Variants in BORA observed in about 807,000 individuals in gnomAD.
BORA encodes BORA aurora kinase A activator, also known as protein aurora borealis.
In BORA, 26 loss-of-function variants were observed where a neutral mutation model predicts 55.8. The ratio of observed to expected loss-of-function variants is 0.47; its 90% CI spans 0.34 to 0.65. BORA has a LOEUF of 0.65. Ranked by LOEUF, BORA falls within the 30% of genes least tolerant of loss-of-function variation. BORA has a pLI of 0.01. For synonymous variants in BORA, 201 were observed against 216.9 expected, an observed-to-expected ratio of 0.93 and a Z score of 0.64; for missense variants, 568 against 671.5, an observed-to-expected ratio of 0.85 and a Z score of 1.70.
intron 10 of BORA, among the ~76,000 whole-genome samples, chr13:72,748,709 C>T (rs1210009625): frequency 6.8e-6 from 1 of 147,598 alleles, no homozygotes; most frequent in Non-Finnish European, 1.5e-5. Context: ...GCTGCTTTTA[C>T]TCTCTGCCTT....
intron 10 of BORA, among the ~76,000 whole-genome samples, chr13:72,750,386 GGA>G: frequency 6.6e-6 from 1 of 152,264 alleles, no homozygotes; most frequent in East Asian, 1.9e-4. Context: ...AGATAACTCT[GGA>G]GTTTAGTTGT....
chr13:72,730,214 TC>T (rs2032783018), intron 2 of BORA, among the ~76,000 whole-genome samples: 1 of 152,208 alleles, frequency 6.6e-6, no homozygotes, highest in Non-Finnish European at 1.5e-5. Flanking sequence ...TGCTACACTT[TC>T]ATACAGGTTT....
chr13:72,737,958 C>A lies in BORA; in HGVS notation c.307-4C>A. ...GCCTAATTGTATGACTTTAATTTTC[C>A]TAGTTTTTCACTAAAGATGTCATCG... On this transcript the variant is annotated splice_polypyrimidine_tract_variant and splice_region_variant and intron_variant, in intron 4 of 11. Transcript: ENST00000390667. 1 of 1,567,210 alleles carries A rather than the reference C, an allele frequency of 6.4e-7. No homozygotes were observed. The highest frequency in any genetic ancestry group is 8.7e-7 in the Non-Finnish European group (1 of 1,152,010).
Position 72,727,924 on chromosome 13 carries a change from A to G in BORA, c.-99A>G. On this transcript the variant is annotated 5_prime_UTR_variant, in exon 1 of 12. Transcript: ENST00000390667. ...AAGACAGCGCGGAAGCGGGGAGTTA[A>G]AGAGTCTATGCCTGTCGTGGAAGCT... The G allele has an allele frequency of 6.4e-7, 1 of 1,550,618 alleles. No individual in the cohort carries two copies. The highest frequency in any genetic ancestry group is 8.7e-7 in the Non-Finnish European group (1 of 1,147,008).
Position 72,746,549 on chromosome 13 carries a change from A to G in BORA, c.920A>G (p.Asn307Ser). ...TCTCCTGATGCTTCATCTGGAACAA[A>G]TTCTAATGGGATAACTAATCCGTGT... ...VHSPDASSGT[N>S]SNGITNPCIR... Residue 307 changes from asparagine (N) to serine (S), a missense_variant, in exon 10 of 12, where the codon AAT becomes AGT. Physicochemically the swap from Asn to Ser is conservative, Grantham distance 46. Transcript: ENST00000390667. 1 of 1,613,924 alleles carries G rather than the reference A, an allele frequency of 6.2e-7. No homozygotes were observed. Among genetic ancestry groups the G allele is most frequent in the African/African-American group, 1.3e-5 (1 of 75,022 alleles).
At chr13:72,753,081 A>G (rs888386854) in intron 10 of BORA, 1 of 152,252 alleles carries the variant, frequency 6.6e-6, no homozygotes, top group African/African-American at 2.4e-5. Flanking sequence ...GGAGAAAAAA[A>G]TATTAAATAT....
chr13:72,750,954 G>C (rs190561484), intron 10 of BORA, among the ~76,000 whole-genome samples: 81 of 152,190 alleles, frequency 5.3e-4, no homozygotes, highest in African/African-American at 1.9e-3. Flanking sequence ...GTTGAGGCGC[G>C]AGCATGGCAT....
intron 5 of BORA, among the ~76,000 whole-genome samples, chr13:72,740,887 G>A (rs2033021308): frequency 6.6e-6 from 1 of 152,172 alleles, no homozygotes; most frequent in African/African-American, 2.4e-5. Context: ...GAGTTACTTA[G>A]CTTTTCTGTG....
At chr13:72,752,157 A>G (rs766170559) in intron 10 of BORA, 3 of 152,228 alleles carry the variant, frequency 2.0e-5, no homozygotes, top group Non-Finnish European at 4.4e-5. Context: ...AAAGTTTGCA[A>G]TTAGAACCAA....
intron 11 of BORA, 90 bp downstream of exon 11, chr13:72,753,911 C>A: frequency 7.9e-7 from 1 of 1,258,714 alleles, no homozygotes; most frequent in Non-Finnish European, 1.1e-6. Flanking sequence ...TATTGAGAAA[C>A]TATATGAAAT....
chr13:72,752,250 A>C (rs908219018), intron 10 of BORA: 2 of 152,172 alleles, frequency 1.3e-5, no homozygotes, highest in African/African-American at 4.8e-5. Flanking sequence ...ATGACTTTTT[A>C]ATTTTTGTCC....
In BORA at chr13:72,744,481, GTTTA is replaced by G. The variant is rs767969126; in HGVS notation, c.455-16_455-13del. On this transcript the variant is annotated intron_variant, in intron 6 of 11. Transcript: ENST00000390667. ...ATTGATTTATCCCATGTTTGAATTT[GTTTA>G]TTTATTTGCTTGTTTCCAGCTGCTT... 11 of 1,599,106 alleles carry G rather than the reference GTTTA, an allele frequency of 6.9e-6. No individual in the cohort carries two copies. The highest frequency in any genetic ancestry group is 1.7e-5 in the Admixed American group (1 of 59,620).
In BORA at chr13:72,731,341, G is replaced by A. The variant is rs753703349; in HGVS notation, c.214G>A (p.Asp72Asn). 2 of 1,612,318 alleles carry A rather than the reference G, an allele frequency of 1.2e-6. No homozygotes were observed. Among genetic ancestry groups the A allele is most frequent in the African/African-American group, 1.3e-5 (1 of 74,948 alleles). The change falls in exon 3 of 12, where the codon GAC becomes AAC. Residue 72 changes from aspartate to asparagine, a missense_variant. Physicochemically the swap from Asp to Asn is conservative, Grantham distance 23 (BLOSUM62 1). Coordinates refer to ENST00000390667, the MANE Select transcript of BORA (RefSeq NM_024808.5). ...QLAVINPVEI[D>N]PEDIHRQALY... ...AGCTGTAATAAATCCTGTAGAAATA[G>A]ACCCAGAAGATATTCATCGTCAAGC...
rs1187013021 is a variant in BORA at position 72,747,110 on chromosome 13, A to C, written c.1481A>C (p.Gln494Pro). 1 of 1,612,736 alleles carries C rather than the reference A, an allele frequency of 6.2e-7. No individual in the cohort carries two copies. The highest frequency in any genetic ancestry group is 1.1e-5 in the South Asian group (1 of 91,010). ...SVIPCESSNIQMDSGYNTQNC... is the reference protein window; with the variant it reads ...SVIPCESSNIPMDSGYNTQNC... ...ATTCCTTGTGAAAGCAGTAACATTC[A>C]GGTAAGGTATTTAATATTCTATAGC... Residue 494 changes from glutamine (Q) to proline (P), a missense_variant and splice_region_variant, in exon 10 of 12, where the codon CAG becomes CCG. Transcript: ENST00000390667.
intron 4 of BORA, among the ~76,000 whole-genome samples, chr13:72,736,783 G>A (rs1446022073): frequency 6.6e-6 from 1 of 151,856 alleles, no homozygotes; most frequent in Non-Finnish European, 1.5e-5. Context: ...CCTGATTACA[G>A]TGTGACACTG....
intron 10 of BORA, chr13:72,753,192 A>G (rs1431011650): frequency 6.6e-6 from 1 of 152,532 alleles, no homozygotes; most frequent in Non-Finnish European, 1.5e-5. Context: ...GAAACAGTGT[A>G]TCTTAGGATG....
intron 3 of BORA, 22 bp downstream of exon 3, chr13:72,731,409 C>T: frequency 6.7e-7 from 1 of 1,482,346 alleles, no homozygotes; most frequent in Non-Finnish European, 9.4e-7. Flanking sequence ...TTTCTTGCAC[C>T]TAAGTCTAAT....
intron 10 of BORA, among the ~76,000 whole-genome samples, chr13:72,751,169 T>C (rs1467554056): frequency 6.6e-6 from 1 of 152,130 alleles, no homozygotes; most frequent in East Asian, 1.9e-4. Context: ...GGTGGGAATA[T>C]GAATTAGTAC....
intron 3 of BORA, among the ~76,000 whole-genome samples, chr13:72,732,362 A>G (rs1260512581): frequency 6.6e-6 from 1 of 152,184 alleles, no homozygotes; most frequent in Non-Finnish European, 1.5e-5. Flanking sequence ...GCATGAAAGG[A>G]TTTTAACTTA....
Sources: allele counts gnomAD v4.1 joint callset (sites outside exome capture counted in the v4.1 genomes callset), GRCh38; gene constraint gnomAD v4.1.1; transcripts MANE v1.5; gene names NCBI Gene and HGNC (gene_info 2026-07-23, HGNC 2026-07-21).